Variants in GART observed in about 807,000 individuals in gnomAD.
The protein encoded by GART is trifunctional purine biosynthetic protein adenosine-3.
Under a neutral mutation model 107.2 loss-of-function variants are expected in GART, and 43 were observed. The ratio of observed to expected loss-of-function variants is 0.40; its 90% CI spans 0.31 to 0.52. The LOEUF (loss-of-function observed/expected upper bound fraction) is 0.52. Ranked by LOEUF, GART falls within the 20% of genes least tolerant of loss-of-function variation. The pLI is 0.52. For missense variants in GART, 1,107 were observed against 1,206.5 expected, an observed-to-expected ratio of 0.92 and a Z score of 1.22; for synonymous variants, 434 against 427.0, an observed-to-expected ratio of 1.02 and a Z score of -0.20.
Position 33,524,803 on chromosome 21 carries a change from C to A in GART, c.1264G>T (p.Gly422Cys). The A allele has an allele frequency of 6.2e-7, 1 of 1,614,218 alleles. No individual in the cohort carries two copies. The highest frequency in any genetic ancestry group is 8.5e-7 in the Non-Finnish European group (1 of 1,180,028). ...TGGAGGAAAGCTATGGCACGAAAGCCGACGTCTTTCCTATAAATTGCTCCC... is the reference window on the plus strand; with the variant it reads ...TGGAGGAAAGCTATGGCACGAAAGCAGACGTCTTTCCTATAAATTGCTCCC... ...FEGAIYRKDV[G>C]FRAIAFLQQP... The change falls in exon 11 of 22, where the codon GGC becomes TGC. Residue 422 changes from glycine (G) to cysteine (C), a missense_variant. By Grantham distance (159) the Gly-to-Cys change is radical. Coordinates refer to ENST00000381815, the MANE Select transcript of GART (RefSeq NM_000819.5).
chr21:33,517,677 G>T, intron 14 of GART, 69 bp from the exon 15 acceptor site: 1 of 1,513,710 alleles, frequency 6.6e-7, no homozygotes, highest in Non-Finnish European at 9.1e-7. Flanking sequence ...AGTGGCACAG[G>T]CTACTCTTAA....
chr21:33,525,951 G>A (rs1024871530), intron 10 of GART, among the ~76,000 whole-genome samples: 2 of 147,420 alleles, frequency 1.4e-5, no homozygotes, highest in African/African-American at 2.5e-5. Context: ...CTCACTGCAA[G>A]CTCCTCCTCC....
chr21:33,523,589 A>G (rs2085011726), intron 11 of GART, among the ~76,000 whole-genome samples: 2 of 152,232 alleles, frequency 1.3e-5, no homozygotes, highest in South Asian at 4.1e-4. Context: ...TATAGCTTGA[A>G]TTACGTTGGT....
At chr21:33,526,239 C>T (rs760789072) in intron 10 of GART, among the ~76,000 whole-genome samples, 19 of 151,646 alleles carry the variant, frequency 1.3e-4, no homozygotes, top group South Asian at 1.0e-3. Context: ...TGTGCGACCT[C>T]GGCTCACTGC....
intron 16 of GART, among the ~76,000 whole-genome samples, chr21:33,515,652 C>CAAAAA (rs71194850): frequency 3.1e-4 from 11 of 35,744 alleles, no homozygotes; most frequent in East Asian, 9.5e-4. Flanking sequence ...GACTCCAACT[C>CAAAAA]AAAAAAAAAA....
intron 16 of GART, among the ~76,000 whole-genome samples, chr21:33,515,941 G>C (rs1173638210): frequency 6.6e-6 from 1 of 151,818 alleles, no homozygotes; most frequent in African/African-American, 2.4e-5. Flanking sequence ...CTGCGGACCA[G>C]TGTCACGTTA....
At chr21:33,537,180 A>C (rs1601231661) in intron 2 of GART, among the ~76,000 whole-genome samples, 2 of 152,300 alleles carry the variant, frequency 1.3e-5, no homozygotes, top group African/African-American at 4.8e-5. Context: ...TGATGATCTT[A>C]AGAGATTTTG....
At chr21:33,516,866 C>T in intron 16 of GART, 123 bp downstream of exon 16, 1 of 807,926 alleles carries the variant, frequency 1.2e-6, no homozygotes, top group Non-Finnish European at 1.9e-6. Context: ...CCTCCCAAAA[C>T]CCCCAATGAT....
Position 33,535,328 on chromosome 21 carries a change from C to CAT in GART, c.146-9_146-8insAT. ...GGTCACTGATTGAGATGGCTGTAAA[C>CAT]AGAAAAAAAAAAAAAAAAACCACTG... On this transcript the variant is annotated splice_polypyrimidine_tract_variant and intron_variant, in intron 2 of 21. Transcript: ENST00000381815. The CAT allele has an allele frequency of 3.4e-5, 11 of 326,856 alleles. No individual in the cohort carries two copies. The highest frequency in any genetic ancestry group is 5.2e-5 in the Non-Finnish European group (10 of 190,868). The allele number at this position is 326,856 out of a possible 1,614,324, so 20.2% of individuals were successfully genotyped here.
chr21:33,518,249 G>C (rs1407518211), intron 14 of GART, among the ~76,000 whole-genome samples: 1 of 152,198 alleles, frequency 6.6e-6, no homozygotes, highest in Non-Finnish European at 1.5e-5. Context: ...TTGGGAGGCC[G>C]AGGCAGGTGG....
Position 33,532,495 on chromosome 21 carries a change from T to C in GART, c.417-39A>G, listed in dbSNP as rs77307521. The C allele has an allele frequency of 6.3e-4, 909 of 1,433,712 alleles. 5 individuals are homozygous for C. In the African/African-American group the frequency reaches 0.011, roughly 18 times the overall value. 88.8% of individuals were successfully genotyped at this position (1,433,712 alleles called of 1,614,324 possible). ...GTAATCGTCAACATCCAATAAACCA[T>C]TACAACTCAAGATTTTAAAATGCTG... is the stretch of plus-strand genomic sequence containing the variant. On this transcript the variant is annotated intron_variant, in intron 4 of 21. Coordinates refer to ENST00000381815, the MANE Select transcript of GART (RefSeq NM_000819.5).
At chr21:33,540,072 A>G (rs78343516) in intron 1 of GART, among the ~76,000 whole-genome samples, 3,221 of 152,346 alleles carry the variant, frequency 0.021, 113 homozygotes, top group African/African-American at 0.074. Flanking sequence ...ATTAAAGGAT[A>G]TACTGAAAAC....
chr21:33,539,068 C>T, intron 2 of GART, 103 bp downstream of exon 2: 1 of 1,162,296 alleles, frequency 8.6e-7, no homozygotes, highest in Non-Finnish European at 1.2e-6. Context: ...GCATTAGCCA[C>T]TGTGCCCAGC....
chr21:33,504,111 G>T lies in GART; in HGVS notation c.*13C>A. 1 of 1,586,120 alleles carries T rather than the reference G, an allele frequency of 6.3e-7. No homozygotes were observed. The highest frequency in any genetic ancestry group is 8.6e-7 in the Non-Finnish European group (1 of 1,164,010). The stretch of plus-strand genomic sequence containing the variant: ...TTCTTTCTAAACTGGCCCCATTTCT[G>T]AATTAAAAGGCTTCATTCCTCTTTA... On this transcript the variant is annotated 3_prime_UTR_variant, in exon 22 of 22. Transcript: ENST00000381815.
intron 14 of GART, chr21:33,518,477 C>T (rs1382899484): frequency 5.5e-6 from 1 of 182,530 alleles, no homozygotes; most frequent in Non-Finnish European, 1.1e-5. Flanking sequence ...GACTCCATCT[C>T]AAAAAGAAAA....
At chr21:33,513,105 C>CTCTGTGTG (rs1334649665) in intron 16 of GART, among the ~76,000 whole-genome samples, 3 of 144,556 alleles carry the variant, frequency 2.1e-5, no homozygotes, top group Non-Finnish European at 3.0e-5. Context: ...GTGTGTGTCT[C>CTCTGTGTG]TGTGTGTGTG....
In GART at chr21:33,534,610, T is replaced by C. The variant is rs772696075; in HGVS notation, c.385A>G (p.Lys129Glu). Residue 129 changes from lysine (K) to glutamate (E), a missense_variant, in exon 4 of 22, where the codon AAA (lysine) becomes GAA (glutamate). By Grantham distance (56) the Lys-to-Glu change is moderately conservative. Transcript: ENST00000381815. The stretch of plus-strand genomic sequence containing the variant: ...ATGAAGCTGCAGGCTTCTTCAGGTT[T>C]GGTGAAAGCCTTCCATTGTGCGGTT... The part of the protein sequence containing the change: ...IPTAQWKAFT[K>E]PEEACSFILS... 1.2e-6 allele frequency: 2 copies of C among 1,614,250 alleles called. No individual in the cohort carries two copies. The highest frequency in any genetic ancestry group is 1.1e-5 in the South Asian group (1 of 91,090).
intron 18 of GART, among the ~76,000 whole-genome samples, chr21:33,507,823 C>T (rs2084709364): frequency 6.6e-6 from 1 of 151,984 alleles, no homozygotes; most frequent in African/African-American, 2.4e-5. Context: ...CAGAGTGAGA[C>T]TCTATCTCAA....
At chr21:33,519,372 T>G (rs1204876040) in intron 14 of GART, among the ~76,000 whole-genome samples, 1 of 151,674 alleles carries the variant, frequency 6.6e-6, no homozygotes, top group African/African-American at 2.4e-5. Context: ...GCTAACACGG[T>G]GAAACCCCAT....
Sources: allele counts gnomAD v4.1 joint callset (sites outside exome capture counted in the v4.1 genomes callset), GRCh38; gene constraint gnomAD v4.1.1; transcripts MANE v1.5; gene names NCBI Gene and HGNC (gene_info 2026-07-23, HGNC 2026-07-21).